The following HMCES variants were observed in gnomAD, a reference collection of about 807,000 sequenced individuals.
HMCES encodes the protein abasic site processing protein HMCES.
HMCES carries 27 observed loss-of-function variants against 35.1 expected under a neutral mutation model. The observed-to-expected ratio is 0.77, with a 90% confidence interval of 0.57 to 1.06. The LOEUF (loss-of-function observed/expected upper bound fraction) is 1.06. Among genes scored for constraint, HMCES ranks in the 50% least tolerant of loss-of-function variants. HMCES has a pLI of 0.00. For missense variants in HMCES, 391 were observed against 430.4 expected (o/e 0.91, Z 0.81); for synonymous variants, 130 against 154.7 (o/e 0.84, Z 1.18).
intron 4 of HMCES, among the ~76,000 whole-genome samples, chr3:129,291,221 A>G (rs915416442): frequency 2.3e-4 from 35 of 152,228 alleles, no homozygotes; most frequent in African/African-American, 8.4e-4. Flanking sequence ...GTGAAATGAA[A>G]TGAAATGAGC....
chr3:129,290,497 T>A (rs2070998043), intron 3 of HMCES, among the ~76,000 whole-genome samples, 182 bp from the exon 4 acceptor site: 1 of 152,102 alleles, frequency 6.6e-6, no homozygotes, highest in Non-Finnish European at 1.5e-5. Context: ...TTAGCCAGGC[T>A]GGTCTCGAAC....
chr3:129,290,404 C>T (rs1465340447), intron 3 of HMCES, among the ~76,000 whole-genome samples: 1 of 151,922 alleles, frequency 6.6e-6, no homozygotes, highest in African/African-American at 2.4e-5. Flanking sequence ...GTGCTTTAGC[C>T]TCCCAGGTAG....
intron 2 of HMCES, among the ~76,000 whole-genome samples, chr3:129,284,988 G>A (rs1940595793): frequency 6.6e-6 from 1 of 152,206 alleles, no homozygotes; most frequent in African/African-American, 2.4e-5. Flanking sequence ...CAGCACTATG[G>A]AGGGATTAGC....
At chr3:129,283,874 T>A (rs908625879) in intron 2 of HMCES, among the ~76,000 whole-genome samples, 4 of 152,184 alleles carry the variant, frequency 2.6e-5, no homozygotes, top group African/African-American at 9.6e-5. Flanking sequence ...CCTCCCCACT[T>A]GGCCTACCAG....
chr3:129,296,092 G>A (rs186976407), intron 4 of HMCES, among the ~76,000 whole-genome samples: 154 of 150,990 alleles, frequency 1.0e-3, no homozygotes, highest in Non-Finnish European at 1.6e-3. Flanking sequence ...ATGAAGTCTC[G>A]CTCTGTCACC....
At chr3:129,285,322 T>G (rs570860263) in intron 2 of HMCES, among the ~76,000 whole-genome samples, 9 of 152,320 alleles carry the variant, frequency 5.9e-5, no homozygotes, top group African/African-American at 2.2e-4. Flanking sequence ...ATGCCACACA[T>G]TTTAACTATA....
chr3:129,300,027 CAT>C (rs1444282425), intron 5 of HMCES, among the ~76,000 whole-genome samples: 1 of 151,922 alleles, frequency 6.6e-6, no homozygotes, highest in Non-Finnish European at 1.5e-5. Context: ...GAAATAATCA[CAT>C]GTTCTCATTT....
chr3:129,297,325 C>T (rs1049399479), intron 4 of HMCES, among the ~76,000 whole-genome samples: 1 of 152,028 alleles, frequency 6.6e-6, no homozygotes, highest in Admixed American at 6.6e-5. Context: ...TTCCCCAGGG[C>T]GTAGGGGGCT....
At chr3:129,304,489 G>C (rs1196636175) in intron 6 of HMCES, 100 bp from the exon 7 acceptor site, 1 of 982,880 alleles carries the variant, frequency 1.0e-6, no homozygotes, top group Admixed American at 2.0e-5. Flanking sequence ...TCCAAGCCTG[G>C]GTAAGTACCT....
Position 129,294,512 on chromosome 3 carries a change from A to G in HMCES, c.453+3708A>G, listed in dbSNP as rs185473294. On this transcript the variant is annotated intron_variant, in intron 4 of 6. Coordinates refer to ENST00000383463, the MANE Select transcript of HMCES (RefSeq NM_020187.3). ...AGTTAATAACATTCTGTCTTTATAC[A>G]CTACATTACTATTGAAAATACCTTA... Among the ~76,000 whole-genome samples the G allele has an allele frequency of 2.7e-3, 409 of 152,334 alleles. 2 individuals are homozygous for G. Among genetic ancestry groups the G allele is most frequent in the African/African-American group, 9.5e-3 (396 of 41,572 alleles).
intron 4 of HMCES, among the ~76,000 whole-genome samples, chr3:129,291,638 C>T (rs7620247): frequency 0.14 from 21,317 of 152,220 alleles, 1,796 homozygotes; most frequent in Middle Eastern, 0.24. Context: ...GTTTCCACTT[C>T]TTGGTTATTA....
In HMCES at chr3:129,298,459, G is replaced by C. The variant is rs1313476313; in HGVS notation, c.559G>C (p.Glu187Gln). The change falls in exon 5 of 7, where the codon GAG becomes CAG. Residue 187 changes from glutamate to glutamine, a missense_variant. Glu to Gln is a conservative substitution (Grantham distance 29). Transcript: ENST00000383463. The part of the protein sequence containing the change: ...AGIFDCWEPP[E>Q]GGDVLYSYTI... ...GATCTTTGACTGCTGGGAGCCCCCA[G>C]AGGGAGGAGATGTCCTGTATTCCTA... 1.9e-6 allele frequency: 3 copies of C among 1,614,212 alleles called. No individual in the cohort carries two copies. The South Asian group carries it at 3.3e-5, about 18-fold the overall frequency.
chr3:129,303,763 G>A (rs1213811371), intron 6 of HMCES, among the ~76,000 whole-genome samples: 17 of 150,978 alleles, frequency 1.1e-4, no homozygotes, highest in Admixed American at 9.9e-4. Flanking sequence ...CTTTTTTAGA[G>A]ACAGGGTCAT....
intron 2 of HMCES, among the ~76,000 whole-genome samples, chr3:129,286,309 A>T (rs894749832): frequency 6.6e-6 from 1 of 152,228 alleles, no homozygotes; most frequent in African/African-American, 2.4e-5. Flanking sequence ...CACCCCAGAG[A>T]TACCATGTGA....
In HMCES at chr3:129,279,844, T is replaced by C; in HGVS notation, c.112T>C (p.Tyr38His). 6.2e-7 allele frequency: 1 copy of C among 1,612,684 alleles called. No individual in the cohort carries two copies. Among genetic ancestry groups the C allele is most frequent in the South Asian group, 1.1e-5 (1 of 90,838 alleles). ...CCCGGAGTGGAGGGACCCTGATAAG[T>C]ACTGCCCCTCTTACAACAAGAGTCC... is the stretch of plus-strand genomic sequence containing the variant. Reference protein sequence around the residue: ...RLPEWRDPDKYCPSYNKSPQS... With the variant: ...RLPEWRDPDKHCPSYNKSPQS... Residue 38 changes from tyrosine (Y) to histidine (H), a missense_variant, in exon 2 of 7, where the codon TAC becomes CAC. By Grantham distance (83) the Tyr-to-His change is moderately conservative. Transcript: ENST00000383463. The surrounding 1 kb of genome is among the most constrained non-coding windows in gnomAD (Gnocchi z 4.2).
Position 129,279,664 on chromosome 3 carries a change from A to G in HMCES, c.-23-46A>G. On this transcript the variant is annotated intron_variant, in intron 1 of 6. Transcript: ENST00000383463. The surrounding 1 kb of genome is among the most constrained non-coding windows in gnomAD (Gnocchi z 4.2). ...GCGGGGACTCAAGGAATAAGACCTA[A>G]TATTTGAGATACGTAAGCCTTTTCC... is the stretch of plus-strand genomic sequence containing the variant. 1 of 1,563,968 alleles carries G rather than the reference A, an allele frequency of 6.4e-7. No individual in the cohort carries two copies. The highest frequency in any genetic ancestry group is 8.7e-7 in the Non-Finnish European group (1 of 1,146,402).
At chr3:129,302,175 A>C in intron 6 of HMCES, 33 bp downstream of exon 6, 1 of 1,538,400 alleles carries the variant, frequency 6.5e-7, no homozygotes, top group Non-Finnish European at 8.8e-7. Flanking sequence ...GTCCTTTTTG[A>C]GCTTTCTGTC....
intron 2 of HMCES, among the ~76,000 whole-genome samples, chr3:129,287,212 TTTTTG>T (rs150772466): frequency 0.064 from 9,586 of 150,924 alleles, 977 homozygotes; most frequent in African/African-American, 0.22. Context: ...TTGTGGGGTT[TTTTTG>T]TTTTGTTTTG....
At chr3:129,302,608 T>C (rs1197438578) in intron 6 of HMCES, among the ~76,000 whole-genome samples, 2 of 152,046 alleles carry the variant, frequency 1.3e-5, no homozygotes, top group Admixed American at 6.6e-5. Flanking sequence ...TCCCAGCTAC[T>C]TGGGAGGCTG....
Sources: gnomAD v4.1 joint callset for allele counts (sites outside exome capture counted in the v4.1 genomes callset) on GRCh38, gnomAD v4.1.1 for gene constraint, Gnocchi (gnomAD v3.1) non-coding constraint, MANE v1.5 for transcripts, NCBI Gene and HGNC (gene_info 2026-07-23, HGNC 2026-07-21) for gene names.